Variants in MSR1 observed in about 807,000 individuals in gnomAD.
MSR1 encodes macrophage scavenger receptor types I and II.
A neutral mutation model predicts 47.2 loss-of-function variants in MSR1; 53 were observed. The observed-to-expected ratio is 1.12, with a 90% confidence interval of 0.90 to 1.41. MSR1 has a LOEUF of 1.41. Ranked by LOEUF, MSR1 falls within the 40% of genes most tolerant of loss-of-function variation. MSR1 has a pLI of 0.00. For missense variants in MSR1, 786 were observed against 546.9 expected (o/e 1.44, Z -4.36); for synonymous variants, 239 against 185.6 (o/e 1.29, Z -2.34).
chr8:16,138,667 G>A (rs1306818234), intron 8 of MSR1, among the ~76,000 whole-genome samples: 1 of 152,132 alleles, frequency 6.6e-6, no homozygotes, highest in African/African-American at 2.4e-5. Flanking sequence ...GCTGAAGAAA[G>A]CTGCTCATAC....
At chr8:16,158,813 T>C (rs1801081806) in intron 5 of MSR1, among the ~76,000 whole-genome samples, 1 of 151,926 alleles carries the variant, frequency 6.6e-6, no homozygotes, top group South Asian at 2.1e-4. Context: ...TATGCTACCA[T>C]GTTCTAAATT....
chr8:16,119,603 C>T (rs1166395685), intron 9 of MSR1, among the ~76,000 whole-genome samples: 2 of 152,126 alleles, frequency 1.3e-5, no homozygotes, highest in Non-Finnish European at 2.9e-5. Context: ...AGGTATTTAA[C>T]ACAATGCGTG....
rs1310888326 is a variant in MSR1, at chr8:16,108,763, T to C, written c.*1322A>G. Reference sequence around the variant, plus strand: ...AATTCCAAGGTAAGGTTTTGCCTTTTTAAGTTGGACGGCTGTGAGTCTACC... The same window carrying C: ...AATTCCAAGGTAAGGTTTTGCCTTTCTAAGTTGGACGGCTGTGAGTCTACC... On this transcript the variant is annotated 3_prime_UTR_variant, in exon 10 of 10. Coordinates refer to ENST00000262101, the MANE Select transcript of MSR1 (RefSeq NM_138715.3). 1.3e-5 allele frequency: 2 copies of C among 152,146 alleles called. No individual in the cohort carries two copies. The highest frequency in any genetic ancestry group is 2.9e-5 in the Non-Finnish European group (2 of 68,002). 9.4% of individuals were successfully genotyped at this position (152,146 alleles called of 1,614,324 possible).
chr8:16,152,140 T>A (rs148928468), intron 6 of MSR1, among the ~76,000 whole-genome samples: 1 of 152,146 alleles, frequency 6.6e-6, no homozygotes, highest in African/African-American at 2.4e-5. Context: ...CAGCCTGTTG[T>A]AAAGGCTTCT....
chr8:16,152,284 A>T (rs934337879), intron 6 of MSR1, among the ~76,000 whole-genome samples: 2 of 152,066 alleles, frequency 1.3e-5, no homozygotes, highest in Admixed American at 1.3e-4. Flanking sequence ...GCCAGGCAAC[A>T]TTCCTTACTC....
intron 8 of MSR1, among the ~76,000 whole-genome samples, chr8:16,141,426 T>C (rs1407336894): frequency 1.3e-5 from 2 of 152,148 alleles, no homozygotes; most frequent in Non-Finnish European, 2.9e-5. Flanking sequence ...TATATTATGG[T>C]GATTATGGTG....
intron 4 of MSR1, among the ~76,000 whole-genome samples, chr8:16,165,559 A>G (rs1563161099): frequency 6.6e-6 from 1 of 151,956 alleles, no homozygotes; most frequent in Non-Finnish European, 1.5e-5. Flanking sequence ...TCTTCATTGT[A>G]TGCTTTATTA....
intron 8 of MSR1, 63 bp downstream of exon 8, chr8:16,143,495 T>G: frequency 6.9e-7 from 1 of 1,441,302 alleles, no homozygotes; most frequent in South Asian, 1.2e-5. Flanking sequence ...AGCCCAGATC[T>G]CTAGTATCAC....
At chr8:16,152,648 C>T (rs1218893236) in intron 6 of MSR1, among the ~76,000 whole-genome samples, 1 of 152,050 alleles carries the variant, frequency 6.6e-6, no homozygotes, top group African/African-American at 2.4e-5. Flanking sequence ...TGGGCATAAA[C>T]AGCTTCTTAG....
chr8:16,181,498 A>C (rs1386430822), intron 1 of MSR1, among the ~76,000 whole-genome samples: 1 of 152,188 alleles, frequency 6.6e-6, no homozygotes, highest in Non-Finnish European at 1.5e-5. Flanking sequence ...TGTCCTTTGC[A>C]GGGACATGGA....
chr8:16,140,100 T>C (rs540784744), intron 8 of MSR1: 1 of 982,186 alleles, frequency 1.0e-6, no homozygotes, highest in Non-Finnish European at 1.2e-6. Flanking sequence ...ATTGAATGAA[T>C]GGATTTTCTT....
chr8:16,175,240 GCAAT>G lies in MSR1; in HGVS notation c.160_163del (p.Ile54ProfsTer16). The G allele has an allele frequency of 1.2e-6, 2 of 1,614,066 alleles. No individual in the cohort carries two copies. Among genetic ancestry groups the G allele is most frequent in the Non-Finnish European group, 1.7e-6 (2 of 1,179,996 alleles). ...AACTGCAAACACGAGGAGGTAAAGG[GCAAT>G]CAGTGCAGCTTTGAAGGACTTCAGT... On this transcript the variant is annotated frameshift_variant, in exon 3 of 10. Transcript: ENST00000262101. LOFTEE classifies it high-confidence loss of function.
chr8:16,157,921 G>A lies in MSR1; in HGVS notation c.818-2777C>T, dbSNP rs898418449. 3.3e-5 allele frequency among the ~76,000 whole-genome samples: 5 copies of A among 151,928 alleles called. No individual in the cohort carries two copies. In the East Asian group the frequency reaches 9.7e-4, roughly 29 times the overall value. Reference sequence around the variant, plus strand: ...TTTGCAATGTCTCTATCAAATTAAGGAAATGCAGTAACCTATTCTGTCATA... The same window carrying A: ...TTTGCAATGTCTCTATCAAATTAAGAAAATGCAGTAACCTATTCTGTCATA... On this transcript the variant is annotated intron_variant, in intron 5 of 9. Coordinates refer to ENST00000262101, the MANE Select transcript of MSR1 (RefSeq NM_138715.3).
At chr8:16,123,566 A>G (rs945307326) in intron 8 of MSR1, among the ~76,000 whole-genome samples, 1 of 117,316 alleles carries the variant, frequency 8.5e-6, no homozygotes, top group Non-Finnish European at 1.8e-5. Flanking sequence ...GTATATAAAG[A>G]TTTCAGAAGA....
chr8:16,160,312 T>C (rs1057501578), intron 5 of MSR1, among the ~76,000 whole-genome samples: 1 of 151,946 alleles, frequency 6.6e-6, no homozygotes, highest in African/African-American at 2.4e-5. Context: ...TTGGGAGATA[T>C]AAAATAATTA....
intron 5 of MSR1, among the ~76,000 whole-genome samples, chr8:16,159,463 A>G (rs1801102244): frequency 6.6e-6 from 1 of 151,974 alleles, no homozygotes; most frequent in Non-Finnish European, 1.5e-5. Flanking sequence ...GTATTAAAAA[A>G]TCTTTGTCTC....
chr8:16,144,460 T>C (rs1488185621), intron 7 of MSR1, among the ~76,000 whole-genome samples: 2 of 152,144 alleles, frequency 1.3e-5, no homozygotes, highest in African/African-American at 4.8e-5. Flanking sequence ...AAAACCTTTG[T>C]TAATGTTTTT....
At chr8:16,177,457 G>T (rs3789014) in intron 2 of MSR1, among the ~76,000 whole-genome samples, 9,990 of 151,958 alleles carry the variant, frequency 0.066, 746 homozygotes, top group East Asian at 0.38. Flanking sequence ...TAGAGCCTTC[G>T]AAAGGGCACA....
chr8:16,180,714 A>C (rs1801803771), intron 1 of MSR1, among the ~76,000 whole-genome samples: 1 of 152,194 alleles, frequency 6.6e-6, no homozygotes, highest in South Asian at 2.1e-4. Context: ...CACTGTGGGG[A>C]GAGGCAGTGA....
Sources: gnomAD v4.1 joint callset for allele counts (sites outside exome capture counted in the v4.1 genomes callset) on GRCh38, gnomAD v4.1.1 for gene constraint, MANE v1.5 for transcripts, NCBI Gene and HGNC (gene_info 2026-07-23, HGNC 2026-07-21) for gene names.